The following CA1 variants were observed in gnomAD, a reference collection of about 807,000 sequenced individuals.
CA1 encodes the protein carbonate dehydratase I.
CA1 carries 27 observed loss-of-function variants against 28.8 expected under a neutral mutation model. The ratio of observed to expected loss-of-function variants is 0.94; its 90% CI spans 0.69 to 1.29. The LOEUF is 1.29. Among genes scored for constraint, CA1 ranks in the 50% most tolerant of loss-of-function variants. CA1 has a pLI of 0.00. For missense variants in CA1, 335 were observed against 310.5 expected (o/e 1.08, Z -0.59); for synonymous variants, 121 against 108.8 (o/e 1.11, Z -0.70).
chr8:85,341,257 T>G (rs551310876), intron 2 of CA1: 3 of 198,810 alleles, frequency 1.5e-5, no homozygotes, highest in African/African-American at 2.3e-5. Flanking sequence ...GCACACTTAA[T>G]AGACAACAGC....
chr8:85,361,066 A>T (rs1247865843), intron 1 of CA1, among the ~76,000 whole-genome samples: 1 of 152,106 alleles, frequency 6.6e-6, no homozygotes, highest in Non-Finnish European at 1.5e-5. Flanking sequence ...AAAACTGAGA[A>T]CTGGACCTTA....
Position 85,328,607 on chromosome 8 carries a change from G to T in CA1, c.739C>A (p.Arg247Ser), listed in dbSNP as rs767885397. The change falls in exon 8 of 8, where the codon CGC (arginine) becomes AGC (serine). Residue 247 changes from arginine (R) to serine (S), a missense_variant. Arg to Ser is a moderately radical substitution (Grantham distance 110, BLOSUM62 -1). Coordinates refer to ENST00000523022, the MANE Select transcript of CA1 (RefSeq NM_001128831.4). ...CTGCCCTTCAGAGGTTGGGTTGGGC[G>T]GTTGTTGTGCTGCATGGGGACAGCG... ...DNAVPMQHNNRPTQPLKGRTV... is the reference protein window; with the variant it reads ...DNAVPMQHNNSPTQPLKGRTV... The T allele has an allele frequency of 6.2e-6, 10 of 1,611,950 alleles. No homozygotes were observed.
chr8:85,352,510 A>G (rs569030972), intron 1 of CA1, among the ~76,000 whole-genome samples: 90 of 152,160 alleles, frequency 5.9e-4, no homozygotes, highest in African/African-American at 2.0e-3. Context: ...GGAGCAACTC[A>G]GCTCTCTGGA....
chr8:85,347,713 A>ATGTCCTATGTCCTATGT (rs1809255663), intron 1 of CA1, among the ~76,000 whole-genome samples: 1 of 152,132 alleles, frequency 6.6e-6, no homozygotes, highest in Non-Finnish European at 1.5e-5. Context: ...TCTTGTTCAT[A>ATGTCCTATGTCCTATGT]CAAGACATTT....
chr8:85,338,318 C>T lies in CA1; in HGVS notation c.169G>A (p.Ala57Thr), dbSNP rs149179999. 12 of 1,613,926 alleles carry T rather than the reference C, an allele frequency of 7.4e-6. No individual in the cohort carries two copies. The highest frequency in any genetic ancestry group is 9.3e-6 in the Non-Finnish European group (11 of 1,179,914). ...TGCCCCACATTGATAATTTCTTTGG[C>T]TGTGGCTGGGTTGTAGGAGACACTA... ...PISVSYNPAT[A>T]KEIINVGHSF... Residue 57 changes from alanine to threonine, a missense_variant, in exon 3 of 8, where the codon GCC becomes ACC. Coordinates refer to ENST00000523022, the MANE Select transcript of CA1 (RefSeq NM_001128831.4).
chr8:85,367,817 T>C (rs1810067591), intron 1 of CA1, among the ~76,000 whole-genome samples: 1 of 152,228 alleles, frequency 6.6e-6, no homozygotes, highest in Non-Finnish European at 1.5e-5. Flanking sequence ...ACAAGTGATA[T>C]CTGATACTGG....
intron 1 of CA1, among the ~76,000 whole-genome samples, chr8:85,363,144 CTT>C (rs1378335562): frequency 6.6e-6 from 1 of 152,210 alleles, no homozygotes; most frequent in East Asian, 1.9e-4. Flanking sequence ...TTTCTCAACA[CTT>C]TTGCTTTTGG....
chr8:85,359,372 G>A (rs1160170015), intron 1 of CA1, among the ~76,000 whole-genome samples: 1 of 152,220 alleles, frequency 6.6e-6, no homozygotes. Context: ...TTGGAGTGGA[G>A]TATGGGGAGA....
chr8:85,364,378 C>T lies in CA1; in HGVS notation c.-25+13668G>A, dbSNP rs114131399. Reference sequence around the variant, plus strand: ...CTTATGACAGCACTCACATTCAAACCGTAGTTATATTTATGTGTATACTTG... The same window carrying T: ...CTTATGACAGCACTCACATTCAAACTGTAGTTATATTTATGTGTATACTTG... On this transcript the variant is annotated intron_variant, in intron 1 of 7. Coordinates refer to ENST00000523022, the MANE Select transcript of CA1 (RefSeq NM_001128831.4). Among the ~76,000 whole-genome samples, 1,175 of 152,234 alleles carry T rather than the reference C, an allele frequency of 7.7e-3. 17 individuals are homozygous for T. Among genetic ancestry groups the T allele is most frequent in the African/African-American group, 0.026 (1,100 of 41,532 alleles).
At chr8:85,353,260 T>G (rs1023384074) in intron 1 of CA1, among the ~76,000 whole-genome samples, 4 of 152,248 alleles carry the variant, frequency 2.6e-5, no homozygotes, top group Admixed American at 2.6e-4. Flanking sequence ...TCTCACACAT[T>G]GTGAAAAATC....
At chr8:85,338,126 A>G (rs1166155983) in intron 3 of CA1, 126 bp downstream of exon 3, 6 of 910,142 alleles carry the variant, frequency 6.6e-6, no homozygotes, top group Non-Finnish European at 9.1e-6. Context: ...ATGCCTCACT[A>G]GATTACAGCA....
At chr8:85,370,956 T>G (rs1328337012) in intron 1 of CA1, among the ~76,000 whole-genome samples, 1 of 152,194 alleles carries the variant, frequency 6.6e-6, no homozygotes, top group Admixed American at 6.6e-5. Context: ...TTTGATGTCA[T>G]AATTCTTCTA....
rs748380993 is a variant in CA1, at chr8:85,336,932, T to C, written c.354+13A>G. 6.1e-6 allele frequency: 9 copies of C among 1,483,716 alleles called. No individual in the cohort carries two copies. The highest frequency in any genetic ancestry group is 1.7e-4 in the Middle Eastern group (1 of 5,844). 91.9% of individuals were successfully genotyped at this position (1,483,716 alleles called of 1,614,324 possible). On this transcript the variant is annotated intron_variant, in intron 4 of 7. Transcript: ENST00000523022. ...CTCAGGGTAATTATCTCTCACTTACTAAATTACATTACCTCGGCAGAATAT... is the reference window on the plus strand; with the variant it reads ...CTCAGGGTAATTATCTCTCACTTACCAAATTACATTACCTCGGCAGAATAT...
At chr8:85,374,032 T>C (rs1810323600) in intron 1 of CA1, among the ~76,000 whole-genome samples, 2 of 152,148 alleles carry the variant, frequency 1.3e-5, no homozygotes, top group South Asian at 4.1e-4. Flanking sequence ...GCAACGTCAA[T>C]GTACTTAATG....
At chr8:85,373,649 T>G (rs1314437519) in intron 1 of CA1, among the ~76,000 whole-genome samples, 1 of 152,200 alleles carries the variant, frequency 6.6e-6, no homozygotes, top group Non-Finnish European at 1.5e-5. Context: ...GAAAAAAACA[T>G]AGTGTTTATA....
At chr8:85,354,400 C>T (rs1004330327) in intron 1 of CA1, among the ~76,000 whole-genome samples, 3 of 151,930 alleles carry the variant, frequency 2.0e-5, no homozygotes, top group African/African-American at 7.3e-5. Context: ...TAGATACACC[C>T]CAGAGTACCA....
intron 2 of CA1, among the ~76,000 whole-genome samples, chr8:85,339,451 A>G (rs1383057722): frequency 2.0e-5 from 3 of 152,218 alleles, no homozygotes. Flanking sequence ...TACTTTACTG[A>G]CTGGCTATTC....
In CA1 at chr8:85,369,476, G is replaced by A. The variant is rs574682972; in HGVS notation, c.-25+8570C>T. Reference sequence around the variant, plus strand: ...TAATGACAGAAAATAGCTTAATGTGGTAACTTCTAGTCACATCTTTGCTTT... The same window carrying A: ...TAATGACAGAAAATAGCTTAATGTGATAACTTCTAGTCACATCTTTGCTTT... On this transcript the variant is annotated intron_variant, in intron 1 of 7. Coordinates refer to ENST00000523022, the MANE Select transcript of CA1 (RefSeq NM_001128831.4). 3.3e-5 allele frequency among the ~76,000 whole-genome samples: 5 copies of A among 152,234 alleles called. No homozygotes were observed. The South Asian group carries it at 1.0e-3, about 32-fold the overall frequency.
chr8:85,337,930 TG>T (rs1808729232), intron 3 of CA1: 4 of 428,938 alleles, frequency 9.3e-6, no homozygotes, highest in South Asian at 8.5e-5. Context: ...TTGTTATATT[TG>T]TAATGACTGG....
Sources: gnomAD v4.1 joint callset for allele counts (sites outside exome capture counted in the v4.1 genomes callset) on GRCh38, gnomAD v4.1.1 for gene constraint, MANE v1.5 for transcripts, NCBI Gene and HGNC (gene_info 2026-07-23, HGNC 2026-07-21) for gene names.